The following SLC1A1 variants were observed in gnomAD, a reference collection of about 807,000 sequenced individuals.
SLC1A1 encodes solute carrier family 1 member 1, also known as excitatory amino acid transporter 3.
In SLC1A1, 43 loss-of-function variants were observed where a neutral mutation model predicts 53.3. That is an observed-to-expected ratio of 0.81 (90% CI 0.63 to 1.04). The LOEUF (loss-of-function observed/expected upper bound fraction) is 1.04. Among genes scored for constraint, SLC1A1 ranks in the 50% least tolerant of loss-of-function variants. The probability of loss-of-function intolerance (pLI) is 0.00; values close to 1 mark genes in which losing one functional copy is unlikely to be tolerated. For missense variants in SLC1A1, 748 were observed against 664.9 expected, an observed-to-expected ratio of 1.12 and a Z score of -1.37; for synonymous variants, 307 against 243.2, an observed-to-expected ratio of 1.26 and a Z score of -2.44.
chr9:4,529,185 A>G (rs1218676756), intron 1 of SLC1A1, among the ~76,000 whole-genome samples: 1 of 152,122 alleles, frequency 6.6e-6, no homozygotes, highest in Non-Finnish European at 1.5e-5. Flanking sequence ...ACTCCTTCCA[A>G]TGAAGGAGTA....
At chr9:4,532,203 G>C (rs1013505759) in intron 1 of SLC1A1, among the ~76,000 whole-genome samples, 4 of 152,164 alleles carry the variant, frequency 2.6e-5, no homozygotes, top group Non-Finnish European at 5.9e-5. Flanking sequence ...AAAGCTGGAG[G>C]GAGAATGAGA....
chr9:4,499,749 T>C (rs1820570187), intron 1 of SLC1A1, among the ~76,000 whole-genome samples: 1 of 152,250 alleles, frequency 6.6e-6, no homozygotes, highest in African/African-American at 2.4e-5. Flanking sequence ...TCTTGTTAGA[T>C]GTTGCTTAAT....
intron 4 of SLC1A1, among the ~76,000 whole-genome samples, chr9:4,565,456 T>TA (rs1355633051): frequency 6.6e-6 from 1 of 152,132 alleles, no homozygotes; most frequent in Non-Finnish European, 1.5e-5. Context: ...TCAAGAAACT[T>TA]ACAATCATGG....
chr9:4,524,212 T>C (rs1289202151), intron 1 of SLC1A1, among the ~76,000 whole-genome samples: 2 of 152,214 alleles, frequency 1.3e-5, no homozygotes, highest in Admixed American at 6.5e-5. Flanking sequence ...TTCCTATACA[T>C]TGTGGAACTC....
At chr9:4,511,539 T>C (rs1305723866) in intron 1 of SLC1A1, among the ~76,000 whole-genome samples, 1 of 149,792 alleles carries the variant, frequency 6.7e-6, no homozygotes, top group Non-Finnish European at 1.5e-5. Context: ...AAATTAAGCA[T>C]GTTTTGCCTT....
Position 4,576,043 on chromosome 9 carries a change from C to T in SLC1A1, c.918C>T (p.Phe306=). ...TTGTAATTCTCCCGCTGATATATTT[C>T]ATAGTCGTACGAAAGAACCCTTTCC... ...HSIVILPLIY[F]IVVRKNPFRF... Residue 306 remains phenylalanine (F), a synonymous_variant, in exon 9 of 12, where the codon TTC becomes TTT. Coordinates refer to ENST00000262352, the MANE Select transcript of SLC1A1 (RefSeq NM_004170.6). The T allele has an allele frequency of 6.2e-7, 1 of 1,613,724 alleles. No individual in the cohort carries two copies. The highest frequency in any genetic ancestry group is 1.3e-5 in the African/African-American group (1 of 75,060).
intron 2 of SLC1A1, among the ~76,000 whole-genome samples, chr9:4,546,918 G>T (rs138537835): frequency 1.2e-3 from 182 of 152,326 alleles, no homozygotes; most frequent in African/African-American, 4.2e-3. Flanking sequence ...TGCACAAGGT[G>T]CATAAACCAC....
rs12001194 is a variant in SLC1A1, at chr9:4,577,664, T to C, written c.1193+901T>C. On this transcript the variant is annotated intron_variant, in intron 10 of 11. Transcript: ENST00000262352. ...CTAATTTTTGAATTTTTAGTAGAGA[T>C]GGGTTTCACCATGTTGGCCAGGCTG... 8.7e-3 allele frequency among the ~76,000 whole-genome samples: 1,319 copies of C among 152,150 alleles called. 16 individuals are homozygous for C. Among genetic ancestry groups the C allele is most frequent in the African/African-American group, 0.03 (1,253 of 41,520 alleles).
At chr9:4,568,172 C>T (rs1819663623) in intron 6 of SLC1A1, among the ~76,000 whole-genome samples, 1 of 152,060 alleles carries the variant, frequency 6.6e-6, no homozygotes, top group Admixed American at 6.5e-5. Flanking sequence ...GTAATCCCAG[C>T]ATGCTGGGAT....
chr9:4,518,503 A>T (rs1453734442), intron 1 of SLC1A1, among the ~76,000 whole-genome samples: 3 of 152,040 alleles, frequency 2.0e-5, no homozygotes, highest in Non-Finnish European at 4.4e-5. Context: ...AATAGCTGGG[A>T]TTACACACGT....
intron 6 of SLC1A1, among the ~76,000 whole-genome samples, chr9:4,570,262 G>C (rs1819901231): frequency 6.6e-6 from 1 of 152,150 alleles, no homozygotes; most frequent in Non-Finnish European, 1.5e-5. Context: ...TGTCTCTCCA[G>C]CTGAATCTTA....
intron 1 of SLC1A1, among the ~76,000 whole-genome samples, chr9:4,538,699 T>G (rs1586726940): frequency 6.6e-6 from 1 of 152,350 alleles, no homozygotes; most frequent in East Asian, 1.9e-4. Context: ...AAAAGCTTTA[T>G]GGACTCCAGC....
At chr9:4,578,320 A>G (rs1820753678) in intron 10 of SLC1A1, among the ~76,000 whole-genome samples, 1 of 152,240 alleles carries the variant, frequency 6.6e-6, no homozygotes, top group Non-Finnish European at 1.5e-5. Context: ...AAAATGAATA[A>G]TAGTACCTAC....
At chr9:4,570,166 T>C (rs1429482442) in intron 6 of SLC1A1, among the ~76,000 whole-genome samples, 2 of 152,216 alleles carry the variant, frequency 1.3e-5, no homozygotes, top group Admixed American at 1.3e-4. Context: ...CCACTCTTCA[T>C]ATGACGCTTG....
chr9:4,578,008 G>T (rs1820723161), intron 10 of SLC1A1, among the ~76,000 whole-genome samples: 1 of 152,216 alleles, frequency 6.6e-6, no homozygotes, highest in Admixed American at 6.5e-5. Context: ...ATTCTAAATT[G>T]GTGGGTGGGG....
chr9:4,502,389 G>GAAAAAAAAAA (rs775499017), intron 1 of SLC1A1, among the ~76,000 whole-genome samples: 1 of 56,490 alleles, frequency 1.8e-5, no homozygotes, highest in Non-Finnish European at 2.9e-5. Context: ...CCTGTCTCCA[G>GAAAAAAAAAA]AAAAAAAAAA....
At position 4,585,733 on chromosome 9, in the gene SLC1A1, G is replaced by A. The variant is rs564856405; in HGVS notation, c.*175G>A. On this transcript the variant is annotated 3_prime_UTR_variant, in exon 12 of 12. Transcript: ENST00000262352. The stretch of plus-strand genomic sequence containing the variant: ...ACAGCCTTTGCGCTCTGGGTTTTGG[G>A]ATTTGGGTGTGGGGTAAGTTGAAGG... The A allele has an allele frequency of 3.3e-4, 256 of 778,054 alleles. 2 individuals carry two copies. The South Asian group carries it at 3.8e-3, about 12-fold the overall frequency. 48.2% of individuals were successfully genotyped at this position (778,054 alleles called of 1,614,324 possible). A position where few individuals can be genotyped will look rare whatever the true frequency, so the allele number is the denominator to read the frequency against.
chr9:4,538,861 G>T (rs1457963537), intron 1 of SLC1A1, among the ~76,000 whole-genome samples: 1 of 152,146 alleles, frequency 6.6e-6, no homozygotes, highest in African/African-American at 2.4e-5. Flanking sequence ...TCCACTGAAT[G>T]CATGTAGTCA....
chr9:4,579,580 T>C (rs1820872223), intron 10 of SLC1A1, among the ~76,000 whole-genome samples: 1 of 152,250 alleles, frequency 6.6e-6, no homozygotes, highest in Admixed American at 6.5e-5. Flanking sequence ...ACCTCTGGTA[T>C]ATTCTTAAAT....
Sources: allele counts gnomAD v4.1 joint callset (sites outside exome capture counted in the v4.1 genomes callset), GRCh38; gene constraint gnomAD v4.1.1; transcripts MANE v1.5; gene names NCBI Gene and HGNC (gene_info 2026-07-23, HGNC 2026-07-21).